Variants in NARS2 observed in about 807,000 individuals in gnomAD.
NARS2 encodes the protein asparaginyl-tRNA synthetase 2, mitochondrial, also known as asparaginyl-tRNA synthetase.
In NARS2, 60 loss-of-function variants were observed where a neutral mutation model predicts 62.9. That is an observed-to-expected ratio of 0.95 (90% CI 0.77 to 1.18). The LOEUF is 1.18. NARS2 is among the 50% of genes most tolerant of loss of function. NARS2 has a pLI of 0.00. For synonymous variants in NARS2, 196 were observed against 200.0 expected, an observed-to-expected ratio of 0.98 and a Z score of 0.17; for missense variants, 619 against 576.4, an observed-to-expected ratio of 1.07 and a Z score of -0.76.
chr11:78,530,569 G>A (rs1284209356), intron 5 of NARS2, among the ~76,000 whole-genome samples: 2 of 152,166 alleles, frequency 1.3e-5, no homozygotes, highest in Non-Finnish European at 2.9e-5. Context: ...CACCTCCCAG[G>A]TTCAAGTGAT....
At chr11:78,543,445 A>G (rs1451012291) in intron 5 of NARS2, among the ~76,000 whole-genome samples, 1 of 152,230 alleles carries the variant, frequency 6.6e-6, no homozygotes, top group Admixed American at 6.5e-5. Flanking sequence ...TATGAAGCTG[A>G]CATTTTCTTT....
chr11:78,500,964 C>T (rs190068704), intron 6 of NARS2, among the ~76,000 whole-genome samples: 1 of 152,108 alleles, frequency 6.6e-6, no homozygotes. Context: ...TGGTGGCATG[C>T]GCCTTTAGTC....
At chr11:78,507,647 G>C (rs1046752466) in intron 6 of NARS2, among the ~76,000 whole-genome samples, 2 of 151,744 alleles carry the variant, frequency 1.3e-5, no homozygotes, top group Non-Finnish European at 2.9e-5. Flanking sequence ...AGCCTCCCGA[G>C]TAGCTGGGAC....
intron 5 of NARS2, among the ~76,000 whole-genome samples, chr11:78,535,168 C>T (rs1861625193): frequency 6.6e-6 from 1 of 152,186 alleles, no homozygotes; most frequent in South Asian, 2.1e-4. Flanking sequence ...TTTTTTTGTA[C>T]ATTGTGGCAG....
At chr11:78,569,607 T>C (rs1856851864) in intron 2 of NARS2, among the ~76,000 whole-genome samples, 2 of 152,240 alleles carry the variant, frequency 1.3e-5, no homozygotes, top group Admixed American at 1.3e-4. Flanking sequence ...GTTTGCTTGC[T>C]AAATATATGC....
chr11:78,553,977 C>A (rs1049404486), intron 5 of NARS2, among the ~76,000 whole-genome samples: 2 of 152,200 alleles, frequency 1.3e-5, no homozygotes, highest in Non-Finnish European at 2.9e-5. Flanking sequence ...GTTGTCCCAG[C>A]ACCATTTATT....
At chr11:78,561,378 G>A (rs1856550876) in intron 4 of NARS2, among the ~76,000 whole-genome samples, 2 of 152,168 alleles carry the variant, frequency 1.3e-5, no homozygotes, top group African/African-American at 4.8e-5. Flanking sequence ...GCCTCAAATA[G>A]GTTTCCAGTG....
intron 5 of NARS2, among the ~76,000 whole-genome samples, chr11:78,554,500 C>CGTGTGCGTGTGTGTGTGTGT (rs1555041386): frequency 2.4e-5 from 1 of 42,498 alleles, no homozygotes; most frequent in Non-Finnish European, 8.9e-5. Context: ...TATTCCTAGG[C>CGTGTGCGTGTGTGTGTGTGT]GTGTGTGCGT....
intron 11 of NARS2, 172 bp from the exon 12 acceptor site, chr11:78,443,930 G>A: frequency 1.9e-6 from 1 of 526,966 alleles, no homozygotes; most frequent in Non-Finnish European, 3.4e-6. Flanking sequence ...TGCACCATTT[G>A]TGTAGTATAC....
At chr11:78,461,084 GCTAT>G (rs982632523) in intron 11 of NARS2, among the ~76,000 whole-genome samples, 4 of 152,100 alleles carry the variant, frequency 2.6e-5, no homozygotes, top group African/African-American at 9.7e-5. Context: ...CTCGAATTTT[GCTAT>G]CTGAGAGGGG....
chr11:78,478,688 G>A lies in NARS2; in HGVS notation c.823-5C>T, dbSNP rs1205898961. ...CTTGAACAGTTCCTCTATAACCTAAGAGAAATGAAATAGAATCACCTGACA... is the reference window on the plus strand; with the variant it reads ...CTTGAACAGTTCCTCTATAACCTAAAAGAAATGAAATAGAATCACCTGACA... On this transcript the variant is annotated splice_region_variant and splice_polypyrimidine_tract_variant and intron_variant, in intron 7 of 13. Transcript: ENST00000281038. 1.3e-5 allele frequency: 21 copies of A among 1,582,708 alleles called. No homozygotes were observed. Among genetic ancestry groups the A allele is most frequent in the Middle Eastern group, 1.7e-4 (1 of 5,996 alleles).
intron 11 of NARS2, among the ~76,000 whole-genome samples, chr11:78,464,602 A>G (rs576958698): frequency 9.0e-4 from 137 of 152,288 alleles, no homozygotes; most frequent in African/African-American, 3.2e-3. Flanking sequence ...TGGTGCATTC[A>G]CAACCCTGAG....
intron 13 of NARS2, among the ~76,000 whole-genome samples, chr11:78,438,846 T>C (rs890113088): frequency 1.3e-5 from 2 of 152,316 alleles, no homozygotes; most frequent in Middle Eastern, 3.4e-3. Context: ...GATATGAAGA[T>C]GTCTAAGGTC....
chr11:78,535,548 G>T (rs1232131946), intron 5 of NARS2, among the ~76,000 whole-genome samples: 2 of 151,696 alleles, frequency 1.3e-5, no homozygotes, highest in African/African-American at 2.4e-5. Context: ...TTGCAACAAA[G>T]ATTTTAATTT....
rs1251092225 is a variant in NARS2 at position 78,478,481 on chromosome 11, TAA to T, written c.922-8_922-7del. The T allele has an allele frequency of 5.1e-6, 6 of 1,176,472 alleles. No homozygotes were observed. The highest frequency in any genetic ancestry group is 7.0e-6 in the Non-Finnish European group (6 of 852,938). 72.9% of individuals were successfully genotyped at this position (1,176,472 alleles called of 1,614,324 possible). A position where few individuals can be genotyped will look rare whatever the true frequency, so the allele number is the denominator to read the frequency against. ...AGCATATGTTCTAATCTGTCCTTAA[TAA>T]AAAGACAAAAAAGAAAATTTTAAAA... On this transcript the variant is annotated splice_region_variant and splice_polypyrimidine_tract_variant and intron_variant, in intron 8 of 13. Coordinates refer to ENST00000281038, the MANE Select transcript of NARS2 (RefSeq NM_024678.6).
chr11:78,459,494 C>T (rs2135190041), intron 11 of NARS2, among the ~76,000 whole-genome samples: 1 of 145,198 alleles, frequency 6.9e-6, no homozygotes, highest in Middle Eastern at 3.9e-3. Context: ...GGTCTTGAAT[C>T]CCCTGCCTCA....
intron 6 of NARS2, among the ~76,000 whole-genome samples, chr11:78,501,326 A>C (rs1347398674): frequency 5.3e-5 from 8 of 152,206 alleles, no homozygotes; most frequent in African/African-American, 1.9e-4. Flanking sequence ...TGAAGACTGG[A>C]AAATACTGTA....
chr11:78,503,384 C>T (rs543814812), intron 6 of NARS2, among the ~76,000 whole-genome samples: 4 of 152,048 alleles, frequency 2.6e-5, no homozygotes, highest in Non-Finnish European at 4.4e-5. Context: ...ACTACAGGCG[C>T]GTGCCACCAC....
chr11:78,483,385 C>T (rs1205705558), intron 7 of NARS2, among the ~76,000 whole-genome samples: 2 of 152,114 alleles, frequency 1.3e-5, no homozygotes, highest in Non-Finnish European at 2.9e-5. Flanking sequence ...GAAGTTCTCG[C>T]CAGGGCAATC....
Sources: allele counts gnomAD v4.1 joint callset (sites outside exome capture counted in the v4.1 genomes callset), GRCh38; gene constraint gnomAD v4.1.1; transcripts MANE v1.5; gene names NCBI Gene and HGNC (gene_info 2026-07-23, HGNC 2026-07-21).